The following NRXN3 variants were observed in gnomAD, a reference collection of about 807,000 sequenced individuals.
NRXN3 encodes neurexin 3, also known as neurexin III.
NRXN3 carries 32 observed loss-of-function variants against 137.6 expected under a neutral mutation model. That is an observed-to-expected ratio of 0.23 (90% CI 0.18 to 0.31). The LOEUF (loss-of-function observed/expected upper bound fraction) is 0.31, where lower values mean the gene tolerates loss of function less well. NRXN3 is among the 10% of genes least tolerant of loss of function. The pLI is 1.00. For synonymous variants in NRXN3, 798 were observed against 784.5 expected (o/e 1.02, Z -0.29); for missense variants, 1,574 against 2,062.5 (o/e 0.76, Z 4.59).
chr14:79,504,352 T>C (rs1287173087), intron 16 of NRXN3, among the ~76,000 whole-genome samples: 1 of 152,040 alleles, frequency 6.6e-6, no homozygotes, highest in Non-Finnish European at 1.5e-5. Flanking sequence ...AACACAAAAT[T>C]TTATCTATTT....
At chr14:78,870,854 A>G (rs770968565) in intron 10 of NRXN3, among the ~76,000 whole-genome samples, 2 of 151,902 alleles carry the variant, frequency 1.3e-5, no homozygotes, top group Non-Finnish European at 2.9e-5. Context: ...TTAACATAAT[A>G]TGCTTTAATT....
chr14:79,814,963 C>G (rs1315428310), intron 20 of NRXN3, among the ~76,000 whole-genome samples: 1 of 152,144 alleles, frequency 6.6e-6, no homozygotes, highest in Non-Finnish European at 1.5e-5. Context: ...ATCTTTTGAT[C>G]TTTCTGAGTC....
At position 79,731,116 on chromosome 14, in the gene NRXN3, T is replaced by C. The variant is rs535401948; in HGVS notation, c.4014+33179T>C. On this transcript the variant is annotated intron_variant, in intron 19 of 20. Coordinates refer to ENST00000335750, the MANE Select transcript of NRXN3 (RefSeq NM_001330195.2). The stretch of plus-strand genomic sequence containing the variant: ...TGGTTGGAGTAGAGAAAAATAGTGG[T>C]GTTTTCTGAGATCTCAACTCAACTG... Among the ~76,000 whole-genome samples the C allele has an allele frequency of 3.9e-5, 6 of 152,270 alleles. No homozygotes were observed. The East Asian group carries it at 1.2e-3, about 29-fold the overall frequency.
chr14:78,874,690 C>T (rs1323420875), intron 10 of NRXN3, among the ~76,000 whole-genome samples: 1 of 152,198 alleles, frequency 6.6e-6, no homozygotes, highest in Admixed American at 6.5e-5. Context: ...TCACTCTGTG[C>T]CACTGCTTAC....
chr14:79,508,054 A>G (rs2096894552), intron 16 of NRXN3, among the ~76,000 whole-genome samples: 1 of 151,648 alleles, frequency 6.6e-6, no homozygotes, highest in Admixed American at 6.6e-5. Flanking sequence ...ATTTGAACTC[A>G]TATCTATTTG....
At chr14:79,637,422 C>G (rs2098409674) in intron 16 of NRXN3, among the ~76,000 whole-genome samples, 1 of 152,060 alleles carries the variant, frequency 6.6e-6, no homozygotes, top group Non-Finnish European at 1.5e-5. Flanking sequence ...TAAACCTCGG[C>G]ATATTTGAGG....
chr14:78,997,284 C>T (rs1410763097), intron 15 of NRXN3, among the ~76,000 whole-genome samples: 1 of 151,562 alleles, frequency 6.6e-6, no homozygotes, highest in Non-Finnish European at 1.5e-5. Flanking sequence ...GAGTTTGTGG[C>T]CTCAATAATT....
Position 79,375,271 on chromosome 14 carries a change from C to T in NRXN3, c.3263-91950C>T, listed in dbSNP as rs577014165. Among the ~76,000 whole-genome samples, 302 of 147,228 alleles carry T rather than the reference C, an allele frequency of 2.1e-3. 1 individual carries two copies. The highest frequency in any genetic ancestry group is 7.1e-3 in the Middle Eastern group (2 of 280). On this transcript the variant is annotated intron_variant, in intron 15 of 20. Transcript: ENST00000335750. The stretch of plus-strand genomic sequence containing the variant: ...TTTTTTCCTTAAACACAAAACTACA[C>T]CCCCGCCTCCAGCTCCCACCCCCTC...
At chr14:78,749,784 T>C (rs998227365) in intron 8 of NRXN3, among the ~76,000 whole-genome samples, 21 of 152,204 alleles carry the variant, frequency 1.4e-4, no homozygotes, top group African/African-American at 1.9e-4. Flanking sequence ...TTTGTTTCTT[T>C]AGGCCCTGGA....
At chr14:78,537,949 G>A (rs1181184446) in intron 4 of NRXN3, among the ~76,000 whole-genome samples, 1 of 152,146 alleles carries the variant, frequency 6.6e-6, no homozygotes, top group African/African-American at 2.4e-5. Flanking sequence ...TGAGGCCTCT[G>A]TTCTGTTTCA....
intron 4 of NRXN3, among the ~76,000 whole-genome samples, chr14:78,367,392 A>G (rs1272246759): frequency 6.6e-6 from 1 of 152,136 alleles, no homozygotes; most frequent in African/African-American, 2.4e-5. Flanking sequence ...AAATCAATCA[A>G]TCAATTAATC....
At chr14:79,561,428 G>A (rs1341257154) in intron 16 of NRXN3, among the ~76,000 whole-genome samples, 1 of 152,064 alleles carries the variant, frequency 6.6e-6, no homozygotes, top group African/African-American at 2.4e-5. Context: ...TATATCTGTG[G>A]GCAATTGCAC....
At chr14:79,137,376 G>T (rs937906853) in intron 15 of NRXN3, among the ~76,000 whole-genome samples, 3 of 152,058 alleles carry the variant, frequency 2.0e-5, no homozygotes, top group African/African-American at 7.2e-5. Flanking sequence ...CTAGCATTTT[G>T]GTGTGAATCA....
At chr14:78,926,488 G>T (rs983816898) in intron 10 of NRXN3, among the ~76,000 whole-genome samples, 1 of 147,542 alleles carries the variant, frequency 6.8e-6, no homozygotes, top group Non-Finnish European at 1.5e-5. Context: ...CACCTGTAAT[G>T]CCAGCACTTT....
chr14:78,407,178 C>T (rs897083675), intron 4 of NRXN3, among the ~76,000 whole-genome samples: 1 of 152,012 alleles, frequency 6.6e-6, no homozygotes, highest in African/African-American at 2.4e-5. Context: ...TAGAGCTTGG[C>T]CCATTAAAAC....
At chr14:78,271,377 G>T (rs563149919) in intron 2 of NRXN3, among the ~76,000 whole-genome samples, 32 of 151,712 alleles carry the variant, frequency 2.1e-4, no homozygotes, top group African/African-American at 7.5e-4. Context: ...ATGAACCTAA[G>T]AAATTTGCCA....
chr14:78,550,030 CTTT>C (rs3032366), intron 4 of NRXN3, among the ~76,000 whole-genome samples: 1,729 of 117,046 alleles, frequency 0.015, 22 homozygotes, highest in African/African-American at 0.048. Context: ...ATTCTGCAAA[CTTT>C]TTTTTTTTTT....
chr14:79,185,291 G>A (rs966509641), intron 15 of NRXN3, among the ~76,000 whole-genome samples: 6 of 152,128 alleles, frequency 3.9e-5, no homozygotes, highest in African/African-American at 1.2e-4. Context: ...TTCTTCATGT[G>A]AAATCCTGGA....
chr14:79,091,459 GT>G (rs2049176258), intron 15 of NRXN3, among the ~76,000 whole-genome samples: 2 of 152,010 alleles, frequency 1.3e-5, no homozygotes, highest in African/African-American at 4.8e-5. Context: ...TCCTCAGGAG[GT>G]TTTTCCCACC....
Sources: allele counts gnomAD v4.1 joint callset (sites outside exome capture counted in the v4.1 genomes callset), GRCh38; gene constraint gnomAD v4.1.1; transcripts MANE v1.5; gene names NCBI Gene and HGNC (gene_info 2026-07-23, HGNC 2026-07-21).